The following KRTAP4-11 variants were observed in gnomAD, a reference collection of about 807,000 sequenced individuals.
KRTAP4-11 encodes keratin associated protein 4-11.
A neutral mutation model predicts 3.4 loss-of-function variants in KRTAP4-11; 3 were observed. That is an observed-to-expected ratio of 0.87 (90% confidence interval 0.40 to 2.26). KRTAP4-11 has a LOEUF of 2.26. Among genes scored for constraint, KRTAP4-11 ranks in the 30% most tolerant of loss-of-function variants. KRTAP4-11 has a pLI of 0.05. For synonymous variants in KRTAP4-11, 94 were observed against 89.4 expected (o/e 1.05, Z -0.29); for missense variants, 248 against 258.8 (o/e 0.96, Z 0.29).
rs2014314179 is a variant in KRTAP4-11 at position 41,117,908 on chromosome 17, GTGGCAGCAGGTGGGC to G, written c.393_407del (p.Gln131_Cys135del). On this transcript the variant is annotated inframe_deletion, in exon 1 of 1. Transcript: ENST00000391413. ...AGCAGCTGGAGATGCTGCAGCTGGG[GTGGCAGCAGGTGGGC>G]TGGCAGCACACAGACTGGCAGCACT... 1 of 1,605,280 alleles carries G rather than the reference GTGGCAGCAGGTGGGC, an allele frequency of 6.2e-7. No homozygotes were observed.
rs563123601 is a variant in KRTAP4-11 at position 41,118,325 on chromosome 17, G to A, written c.-10C>T. On this transcript the variant is annotated 5_prime_UTR_variant, in exon 1 of 1. Coordinates refer to ENST00000391413, the MANE Select transcript of KRTAP4-11 (RefSeq NM_033059.4). ...AACAGGAGTTTACCATGGTGTCAGA[G>A]GGTGAAGGATCTAGTTGGGTTTCTA... is the stretch of plus-strand genomic sequence containing the variant. 4 of 1,588,022 alleles carry A rather than the reference G, an allele frequency of 2.5e-6. No individual in the cohort carries two copies. The highest frequency in any genetic ancestry group is 2.6e-6 in the Non-Finnish European group (3 of 1,166,108).
In KRTAP4-11 at chr17:41,117,767, G is replaced by C; in HGVS notation, c.549C>G (p.Ser183Arg). ...TCYRPTCVIS[S>R]CPRPLCCASS... ...AGGCACAGCACAAGGGGCGGGGGCAGCTGGAGATGACACAGGTTGGGCGAT... is the reference window on the plus strand; with the variant it reads ...AGGCACAGCACAAGGGGCGGGGGCACCTGGAGATGACACAGGTTGGGCGAT... Residue 183 changes from serine to arginine, a missense_variant, in exon 1 of 1, where the codon AGC becomes AGG. Around this residue, in one of 3 missense-constraint regions of KRTAP4-11, gnomAD observed 131 missense variants for 130.2 expected, o/e 1.01. Coordinates refer to ENST00000391413, the MANE Select transcript of KRTAP4-11 (RefSeq NM_033059.4). The C allele has an allele frequency of 6.3e-7, 1 of 1,591,988 alleles. No individual in the cohort carries two copies. The highest frequency in any genetic ancestry group is 1.3e-5 in the African/African-American group (1 of 74,374).
In KRTAP4-11 at chr17:41,118,290, A is replaced by T; in HGVS notation, c.26T>A (p.Val9Glu). 1 of 1,609,162 alleles carries T rather than the reference A, an allele frequency of 6.2e-7. No individual in the cohort carries two copies. Among genetic ancestry groups the T allele is most frequent in the East Asian group, 2.2e-5 (1 of 44,854 alleles). The change falls in exon 1 of 1, where the codon GTG (valine) becomes GAG (glutamate). Residue 9 changes from valine to glutamate, a missense_variant. Transcript: ENST00000391413. MVNSCCGS[V>E]CSHQGCGRDL... Reference sequence around the variant, plus strand: ...TCGGCCACAGCCTTGGTGAGAGCACACGGAGCCACAACAGGAGTTTACCAT... The same window carrying T: ...TCGGCCACAGCCTTGGTGAGAGCACTCGGAGCCACAACAGGAGTTTACCAT...
In KRTAP4-11 at chr17:41,117,695, C is replaced by T. The variant is rs1370377450; in HGVS notation, c.*33G>A. 7 of 1,549,820 alleles carry T rather than the reference C, an allele frequency of 4.5e-6. No individual in the cohort carries two copies. In the East Asian group the frequency reaches 1.7e-4, roughly 37 times the overall value. Reference sequence around the variant, plus strand: ...AGAATGGTCTACAACTGTGGGCCTGCAGTGAAGGGAGAGATGAGCCAGGGC... The same window carrying T: ...AGAATGGTCTACAACTGTGGGCCTGTAGTGAAGGGAGAGATGAGCCAGGGC... On this transcript the variant is annotated 3_prime_UTR_variant, in exon 1 of 1. Transcript: ENST00000391413.
chr17:41,118,326 G>C lies in KRTAP4-11; in HGVS notation c.-11C>G, dbSNP rs1202343695. 2 of 1,586,936 alleles carry C rather than the reference G, an allele frequency of 1.3e-6. No individual in the cohort carries two copies. The highest frequency in any genetic ancestry group is 1.2e-5 in the South Asian group (1 of 85,528). On this transcript the variant is annotated 5_prime_UTR_variant, in exon 1 of 1. Transcript: ENST00000391413. ...ACAGGAGTTTACCATGGTGTCAGAG[G>C]GTGAAGGATCTAGTTGGGTTTCTAG...
rs565144703 is a variant in KRTAP4-11 at position 41,118,361 on chromosome 17, G to C, written c.-46C>G. 1 of 1,538,206 alleles carries C rather than the reference G, an allele frequency of 6.5e-7. No homozygotes were observed. The highest frequency in any genetic ancestry group is 2.3e-5 in the East Asian group (1 of 43,916). On this transcript the variant is annotated 5_prime_UTR_variant, in exon 1 of 1. Coordinates refer to ENST00000391413, the MANE Select transcript of KRTAP4-11 (RefSeq NM_033059.4). ...CTAGTTGGGTTTCTAGGAGAGTGAA[G>C]TTCTTGTGTTTGGAAGTCTCCTGGG...
chr17:41,117,706 G>T lies in KRTAP4-11; in HGVS notation c.*22C>A. 1 of 1,559,674 alleles carries T rather than the reference G, an allele frequency of 6.4e-7. No homozygotes were observed. Among genetic ancestry groups the T allele is most frequent in the Non-Finnish European group, 8.7e-7 (1 of 1,151,596 alleles). ...CAACTGTGGGCCTGCAGTGAAGGGA[G>T]AGATGAGCCAGGGCAGTGGGCTCAG... On this transcript the variant is annotated 3_prime_UTR_variant, in exon 1 of 1. Transcript: ENST00000391413.
Position 41,117,750 on chromosome 17 carries a change from C to T in KRTAP4-11, c.566G>A (p.Cys189Tyr), listed in dbSNP as rs1331630483. The change falls in exon 1 of 1, where the codon TGC becomes TAC. Residue 189 changes from cysteine to tyrosine, a missense_variant. Around this residue, in one of 3 missense-constraint regions of KRTAP4-11, gnomAD observed 131 missense variants for 130.2 expected, o/e 1.01. Transcript: ENST00000391413. ...CVISSCPRPLCCASSCC is the reference protein window; with the variant it reads ...CVISSCPRPLYCASSCC The stretch of plus-strand genomic sequence containing the variant: ...GGCTCAGCAGCAAGAGGAGGCACAG[C>T]ACAAGGGGCGGGGGCAGCTGGAGAT... The T allele has an allele frequency of 2.5e-6, 4 of 1,586,156 alleles. No homozygotes were observed. The highest frequency in any genetic ancestry group is 2.3e-5 in the East Asian group (1 of 43,088).
chr17:41,117,933 A>G lies in KRTAP4-11; in HGVS notation c.383T>C (p.Val128Ala), dbSNP rs553779637. 2.5e-6 allele frequency: 4 copies of G among 1,599,352 alleles called. No individual in the cohort carries two copies. The South Asian group carries it at 4.5e-5, about 18-fold the overall frequency. ...SCCRPQCCQS[V>A]CCQPTCCHPS... is the part of the protein sequence containing the mutation. ...GTGGCAGCAGGTGGGCTGGCAGCAC[A>G]CAGACTGGCAGCACTGGGGTCTGCA... The change falls in exon 1 of 1, where the codon GTG (valine) becomes GCG (alanine). Residue 128 changes from valine to alanine, a missense_variant. Coordinates refer to ENST00000391413, the MANE Select transcript of KRTAP4-11 (RefSeq NM_033059.4).
Position 41,117,448 on chromosome 17 carries a change from G to A in KRTAP4-11, c.*280C>T, listed in dbSNP as rs973419646. 1.9e-5 allele frequency: 11 copies of A among 572,618 alleles called. No homozygotes were observed. Among genetic ancestry groups the A allele is most frequent in the East Asian group, 1.5e-4 (5 of 33,698 alleles). The allele number at this position is 572,618 out of a possible 1,614,324, so 35.5% of individuals were successfully genotyped here. On this transcript the variant is annotated 3_prime_UTR_variant, in exon 1 of 1. Coordinates refer to ENST00000391413, the MANE Select transcript of KRTAP4-11 (RefSeq NM_033059.4). Reference sequence around the variant, plus strand: ...GTAGGCTCAAAACGATTTAAAAAATGAGGAATTTAGAGGATTGGAATAATT... The same window carrying A: ...GTAGGCTCAAAACGATTTAAAAAATAAGGAATTTAGAGGATTGGAATAATT...
rs1311893815 is a variant in KRTAP4-11 at position 41,117,450 on chromosome 17, G to A, written c.*278C>T. On this transcript the variant is annotated 3_prime_UTR_variant, in exon 1 of 1. Coordinates refer to ENST00000391413, the MANE Select transcript of KRTAP4-11 (RefSeq NM_033059.4). ...AGGCTCAAAACGATTTAAAAAATGAGGAATTTAGAGGATTGGAATAATTTC... is the reference window on the plus strand; with the variant it reads ...AGGCTCAAAACGATTTAAAAAATGAAGAATTTAGAGGATTGGAATAATTTC... 14 of 576,292 alleles carry A rather than the reference G, an allele frequency of 2.4e-5. No homozygotes were observed. The highest frequency in any genetic ancestry group is 3.9e-5 in the Non-Finnish European group (13 of 332,012). The allele number at this position is 576,292 out of a possible 1,614,324, so 35.7% of individuals were successfully genotyped here.
chr17:41,117,938 C>T lies in KRTAP4-11; in HGVS notation c.378G>A (p.Gln126=). The change falls in exon 1 of 1, where the codon CAG becomes CAA. Residue 126 remains glutamine, a synonymous_variant. Transcript: ENST00000391413. ...VSSCCRPQCC[Q]SVCCQPTCCH... ...AGCAGGTGGGCTGGCAGCACACAGA[C>T]TGGCAGCACTGGGGTCTGCAGCAGC... is the stretch of plus-strand genomic sequence containing the variant. The T allele has an allele frequency of 6.4e-7, 1 of 1,553,200 alleles. No individual in the cohort carries two copies. Among genetic ancestry groups the T allele is most frequent in the East Asian group, 2.3e-5 (1 of 42,640 alleles).
rs2014296821 is a variant in KRTAP4-11, at chr17:41,117,267, GAACA to G, written c.*457_*460del. 2 of 175,586 alleles carry G rather than the reference GAACA, an allele frequency of 1.1e-5. No homozygotes were observed. Among genetic ancestry groups the G allele is most frequent in the South Asian group, 3.5e-4 (2 of 5,772 alleles). 10.9% of individuals were successfully genotyped at this position (175,586 alleles called of 1,614,324 possible). ...AAAATAGAAAAATTCTGGCAAACTT[GAACA>G]AACAGAGACAAAGAGAGAACAGGGA... On this transcript the variant is annotated 3_prime_UTR_variant, in exon 1 of 1. Transcript: ENST00000391413.
Position 41,117,777 on chromosome 17 carries a change from A to G in KRTAP4-11, c.539T>C (p.Val180Ala). 2 of 1,595,840 alleles carry G rather than the reference A, an allele frequency of 1.3e-6. No homozygotes were observed. Among genetic ancestry groups the G allele is most frequent in the Non-Finnish European group, 1.7e-6 (2 of 1,171,588 alleles). Reference sequence around the variant, plus strand: ...CAAGGGGCGGGGGCAGCTGGAGATGACACAGGTTGGGCGATAGCAAGTGGT... The same window carrying G: ...CAAGGGGCGGGGGCAGCTGGAGATGGCACAGGTTGGGCGATAGCAAGTGGT... Reference protein sequence around the residue: ...CHTTCYRPTCVISSCPRPLCC... With the variant: ...CHTTCYRPTCAISSCPRPLCC... The change falls in exon 1 of 1, where the codon GTC (valine) becomes GCC (alanine). Residue 180 changes from valine to alanine, a missense_variant. Transcript: ENST00000391413.
At position 41,118,291 on chromosome 17, in the gene KRTAP4-11, C is replaced by A; in HGVS notation, c.25G>T (p.Val9Leu). 6.2e-7 allele frequency: 1 copy of A among 1,608,512 alleles called. No individual in the cohort carries two copies. The highest frequency in any genetic ancestry group is 1.1e-5 in the South Asian group (1 of 90,300). ...CGGCCACAGCCTTGGTGAGAGCACA[C>A]GGAGCCACAACAGGAGTTTACCATG... Reference protein sequence around the residue: MVNSCCGSVCSHQGCGRDL... With the variant: MVNSCCGSLCSHQGCGRDL... The change falls in exon 1 of 1, where the codon GTG becomes TTG. Residue 9 changes from valine to leucine, a missense_variant. Val to Leu is a conservative substitution (Grantham distance 32, BLOSUM62 1). Coordinates refer to ENST00000391413, the MANE Select transcript of KRTAP4-11 (RefSeq NM_033059.4).
Position 41,118,102 on chromosome 17 carries a change from A to G in KRTAP4-11, c.214T>C (p.Ser72Pro). The G allele has an allele frequency of 6.3e-7, 1 of 1,582,944 alleles. No individual in the cohort carries two copies. Among genetic ancestry groups the G allele is most frequent in the Non-Finnish European group, 8.6e-7 (1 of 1,167,132 alleles). The change falls in exon 1 of 1, where the codon TCC becomes CCC. Residue 72 changes from serine (S) to proline (P), a missense_variant. By Grantham distance (74) the Ser-to-Pro change is moderately conservative. Around this residue, in one of 3 missense-constraint regions of KRTAP4-11, gnomAD observed 110 missense variants for 102.8 expected, o/e 1.07. Transcript: ENST00000391413. ...PTCCRPRCCI[S>P]SCCRPSCCVS... ...CAGCAGCTGGGGCGACAGCAGCTGG[A>G]GATGCAGCATCTGGGGCGGCAGCAG...
chr17:41,117,929 G>A lies in KRTAP4-11; in HGVS notation c.387C>T (p.Cys129=), dbSNP rs1192058673. The A allele has an allele frequency of 6.2e-7, 1 of 1,600,762 alleles. No homozygotes were observed. The highest frequency in any genetic ancestry group is 1.7e-5 in the Admixed American group (1 of 58,780). Residue 129 remains cysteine (C), a synonymous_variant, in exon 1 of 1, where the codon TGC becomes TGT. Transcript: ENST00000391413. ...TGGGGTGGCAGCAGGTGGGCTGGCA[G>A]CACACAGACTGGCAGCACTGGGGTC... ...CCRPQCCQSV[C]CQPTCCHPSC...
chr17:41,118,267 G>C lies in KRTAP4-11; in HGVS notation c.49C>G (p.Arg17Gly), dbSNP rs749733823. The change falls in exon 1 of 1, where the codon CGA (arginine) becomes GGA (glycine). Residue 17 changes from arginine to glycine, a missense_variant. This residue lies in a region of KRTAP4-11 where 110 missense variants were observed against 102.8 expected (regional missense o/e 1.07). Coordinates refer to ENST00000391413, the MANE Select transcript of KRTAP4-11 (RefSeq NM_033059.4). ...CAGCAGGTCTCCTGGCAGAGGTCTC[G>C]GCCACAGCCTTGGTGAGAGCACACG... is the stretch of plus-strand genomic sequence containing the variant. ...GSVCSHQGCGRDLCQETCCRP... is the reference protein window; with the variant it reads ...GSVCSHQGCGGDLCQETCCRP... 1.4e-5 allele frequency: 23 copies of C among 1,612,866 alleles called. No individual in the cohort carries two copies. The highest frequency in any genetic ancestry group is 1.8e-5 in the Non-Finnish European group (21 of 1,179,596).
rs768743743 is a variant in KRTAP4-11 at position 41,117,913 on chromosome 17, A to G, written c.403T>C (p.Cys135Arg). Residue 135 changes from cysteine to arginine, a missense_variant, in exon 1 of 1, where the codon TGC becomes CGC. Coordinates refer to ENST00000391413, the MANE Select transcript of KRTAP4-11 (RefSeq NM_033059.4). ...CTGGAGATGCTGCAGCTGGGGTGGC[A>G]GCAGGTGGGCTGGCAGCACACAGAC... ...CQSVCCQPTCCHPSCSISSCC... is the reference protein window; with the variant it reads ...CQSVCCQPTCRHPSCSISSCC... 92 of 1,605,414 alleles carry G rather than the reference A, an allele frequency of 5.7e-5. No homozygotes were observed. The highest frequency in any genetic ancestry group is 1.7e-4 in the Middle Eastern group (1 of 5,880).
Sources: allele counts gnomAD v4.1 joint callset, GRCh38; gene constraint gnomAD v4.1.1; regional missense constraint gnomAD v4.1.1; transcripts MANE v1.5; gene names NCBI Gene and HGNC (gene_info 2026-07-23, HGNC 2026-07-21).